MCTP2: variants seen among roughly 807,000 people sequenced by gnomAD.
The protein encoded by MCTP2 is multiple C2 and transmembrane domain containing 2, also known as multiple C2 and transmembrane domain-containing protein 2.
A neutral mutation model predicts 111.6 loss-of-function variants in MCTP2; 132 were observed. That is an observed-to-expected ratio of 1.18 (90% CI 1.03 to 1.37). The LOEUF (loss-of-function observed/expected upper bound fraction) is 1.37, where lower values mean the gene tolerates loss of function less well. Among genes scored for constraint, MCTP2 ranks in the 40% most tolerant of loss-of-function variants. The probability of loss-of-function intolerance (pLI) is 0.00; values close to 1 mark genes in which losing one functional copy is unlikely to be tolerated. For missense variants in MCTP2, 1,183 were observed against 1,067.9 expected (o/e 1.11, Z -1.50); for synonymous variants, 395 against 387.7 (o/e 1.02, Z -0.22).
chr15:94,442,590 G>A lies in MCTP2; in HGVS notation c.2209-329G>A, dbSNP rs534543908. ...GGAGTATGGTATTCTCAGCCTTAAC[G>A]TAGCAGTTGGTTCATTTGTCAGAAT... On this transcript the variant is annotated intron_variant, in intron 18 of 22. Coordinates refer to ENST00000357742, the MANE Select transcript of MCTP2 (RefSeq NM_001385001.1). Among the ~76,000 whole-genome samples the A allele has an allele frequency of 1.1e-4, 16 of 152,318 alleles. No homozygotes were observed. In the South Asian group the frequency reaches 3.1e-3, roughly 30 times the overall value.
chr15:94,358,549 T>C lies in MCTP2; in HGVS notation c.1238T>C (p.Met413Thr), dbSNP rs1314872101. ...GACTTTCACTACTTCTCTGACAGGATGGGCATTTTGGACATTGAAGTGTGG... is the reference window on the plus strand; with the variant it reads ...GACTTTCACTACTTCTCTGACAGGACGGGCATTTTGGACATTGAAGTGTGG... ...QFDFHYFSDR[M>T]GILDIEVWGK... The change falls in exon 10 of 23, where the codon ATG becomes ACG. Residue 413 changes from methionine to threonine, a missense_variant. Physicochemically the swap from Met to Thr is moderately conservative, Grantham distance 81. Coordinates refer to ENST00000357742, the MANE Select transcript of MCTP2 (RefSeq NM_001385001.1). 34 of 1,613,736 alleles carry C rather than the reference T, an allele frequency of 2.1e-5. No homozygotes were observed. Among genetic ancestry groups the C allele is most frequent in the Non-Finnish European group, 2.9e-5 (34 of 1,179,834 alleles).
At chr15:94,352,511 A>C (rs2078360532) in intron 8 of MCTP2, among the ~76,000 whole-genome samples, 1 of 152,122 alleles carries the variant, frequency 6.6e-6, no homozygotes, top group Non-Finnish European at 1.5e-5. Context: ...AAAATAACAA[A>C]ACCCTGATGT....
rs528105881 is a variant in MCTP2, at chr15:94,442,988, C to A, written c.2250+28C>A. 464 of 1,581,260 alleles carry A rather than the reference C, an allele frequency of 2.9e-4. 1 individual carries two copies. In the African/African-American group the frequency reaches 4.9e-3, roughly 17 times the overall value. On this transcript the variant is annotated intron_variant, in intron 19 of 22. Transcript: ENST00000357742. ...GCGTATGTTCAAGAAAGAACACACA[C>A]AAAAAAACACTAGTGTTGTCAACAG...
chr15:94,259,043 A>C (rs1157934702), intron 1 of MCTP2, among the ~76,000 whole-genome samples: 1 of 152,198 alleles, frequency 6.6e-6, no homozygotes, highest in Non-Finnish European at 1.5e-5. Flanking sequence ...AGTCAGTGTG[A>C]ATGGAAGTTC....
intron 17 of MCTP2, chr15:94,403,227 C>T: frequency 2.0e-6 from 2 of 985,332 alleles, no homozygotes; most frequent in African/African-American, 1.7e-5. Flanking sequence ...AAACATTTGG[C>T]CTTAATAAAA....
At chr15:94,380,347 G>A (rs116457785) in intron 12 of MCTP2, among the ~76,000 whole-genome samples, 1,775 of 152,290 alleles carry the variant, frequency 0.012, 33 homozygotes, top group African/African-American at 0.041. Flanking sequence ...TTTCTTGGAA[G>A]GGGCAGCATT....
At chr15:94,389,647 T>A (rs2080753410) in intron 14 of MCTP2, among the ~76,000 whole-genome samples, 1 of 152,134 alleles carries the variant, frequency 6.6e-6, no homozygotes, top group African/African-American at 2.4e-5. Context: ...TCATAAAAAT[T>A]GATTTGTTGG....
chr15:94,277,839 C>T (rs2152309100), intron 1 of MCTP2, among the ~76,000 whole-genome samples: 1 of 152,208 alleles, frequency 6.6e-6, no homozygotes, highest in East Asian at 1.9e-4. Flanking sequence ...AGTTGTTAAT[C>T]ATGTGTAAAT....
intron 8 of MCTP2, among the ~76,000 whole-genome samples, chr15:94,354,525 C>T (rs2078504801): frequency 6.6e-6 from 1 of 152,156 alleles, no homozygotes; most frequent in African/African-American, 2.4e-5. Context: ...TGCCTTGCTT[C>T]CCCTTCACCT....
At chr15:94,336,747 GTATATATATACACATATATA>G (rs2077383622) in intron 4 of MCTP2, among the ~76,000 whole-genome samples, 1 of 151,116 alleles carries the variant, frequency 6.6e-6, no homozygotes, top group Non-Finnish European at 1.5e-5. Context: ...ATATGTGTGT[GTATATATATACACATATATA>G]TGTATATATG....
At chr15:94,392,380 AAATAGT>A (rs901099038) in intron 14 of MCTP2, among the ~76,000 whole-genome samples, 2 of 151,830 alleles carry the variant, frequency 1.3e-5, no homozygotes, top group Admixed American at 6.6e-5. Context: ...TCAAAAAAAA[AAATAGT>A]AATAGTAAGG....
rs752599136 is a variant in MCTP2, at chr15:94,464,269, AT to A, written c.2360+6024del. Among the ~76,000 whole-genome samples the A allele has an allele frequency of 1.4e-3, 84 of 61,472 alleles. 1 individual carries two copies. The highest frequency in any genetic ancestry group is 6.4e-3 in the East Asian group (15 of 2,334). The allele number at this position is 61,472 out of a possible 152,430, so 40.3% of individuals were successfully genotyped here. On this transcript the variant is annotated intron_variant, in intron 20 of 22. Transcript: ENST00000357742. ...ATATATATATATATTATATATATATATATATATATAAACGTCAGCCATTCTA... is the reference window on the plus strand; with the variant it reads ...ATATATATATATATTATATATATATAATATATATAAACGTCAGCCATTCTA...
chr15:94,403,377 G>A (rs2081707612), intron 17 of MCTP2: 2 of 354,010 alleles, frequency 5.6e-6, no homozygotes, highest in African/African-American at 2.2e-5. Context: ...CTTCCCACCC[G>A]AATTCCCTTT....
intron 1 of MCTP2, among the ~76,000 whole-genome samples, chr15:94,238,304 C>A (rs2070706373): frequency 6.6e-6 from 1 of 152,084 alleles, no homozygotes; most frequent in Non-Finnish European, 1.5e-5. Flanking sequence ...CATATATCCT[C>A]TTGTTATTTT....
intron 1 of MCTP2, among the ~76,000 whole-genome samples, chr15:94,264,522 T>A (rs933811137): frequency 2.0e-5 from 3 of 151,862 alleles, no homozygotes; most frequent in African/African-American, 4.8e-5. Context: ...GGCAGGAGAA[T>A]GGCGTGAACC....
chr15:94,330,027 G>A (rs533962090), intron 4 of MCTP2, among the ~76,000 whole-genome samples: 21 of 152,226 alleles, frequency 1.4e-4, no homozygotes, highest in African/African-American at 4.8e-4. Flanking sequence ...TTTCTTTTTA[G>A]ATGCCACATA....
At chr15:94,276,014 T>TG (rs2074180285) in intron 1 of MCTP2, among the ~76,000 whole-genome samples, 1 of 151,940 alleles carries the variant, frequency 6.6e-6, no homozygotes, top group Non-Finnish European at 1.5e-5. Context: ...CCCAGCTAAT[T>TG]TTTGTATTTT....
intron 19 of MCTP2, among the ~76,000 whole-genome samples, chr15:94,457,526 G>T (rs1229940758): frequency 6.6e-6 from 1 of 152,162 alleles, no homozygotes; most frequent in African/African-American, 2.4e-5. Context: ...GGAATAATCT[G>T]GGTAGGCTGC....
intron 1 of MCTP2, among the ~76,000 whole-genome samples, chr15:94,238,501 A>C (rs183525541): frequency 6.6e-6 from 1 of 152,184 alleles, no homozygotes; most frequent in African/African-American, 2.4e-5. Context: ...AACTGCTAAA[A>C]AGTAGCTAGG....
Sources: allele counts gnomAD v4.1 joint callset (sites outside exome capture counted in the v4.1 genomes callset), GRCh38; gene constraint gnomAD v4.1.1; transcripts MANE v1.5; gene names NCBI Gene and HGNC (gene_info 2026-07-23, HGNC 2026-07-21).